SLC35F3: variants seen among roughly 807,000 people sequenced by gnomAD.
SLC35F3 encodes the protein solute carrier family 35 member F3, also known as putative thiamine transporter SLC35F3.
SLC35F3 carries 25 observed loss-of-function variants against 49.9 expected under a neutral mutation model. The ratio of observed to expected loss-of-function variants is 0.50; its 90% CI spans 0.37 to 0.70. SLC35F3 has a LOEUF of 0.70. SLC35F3 is among the 30% of genes least tolerant of loss of function. SLC35F3 has a pLI of 0.00. For synonymous variants in SLC35F3, 275 were observed against 265.4 expected (o/e 1.04, Z -0.35); for missense variants, 525 against 639.8 (o/e 0.82, Z 1.94).
chr1:234,086,307 T>C (rs1470088459), intron 2 of SLC35F3, among the ~76,000 whole-genome samples: 2 of 152,108 alleles, frequency 1.3e-5, no homozygotes, highest in African/African-American at 2.4e-5. Flanking sequence ...ACGGGAGAAA[T>C]GAGTCAGGGG....
chr1:234,097,538 A>G (rs941588960), intron 2 of SLC35F3, among the ~76,000 whole-genome samples: 4 of 152,038 alleles, frequency 2.6e-5, no homozygotes, highest in African/African-American at 9.7e-5. Flanking sequence ...CTACACACAC[A>G]TACACGCACA....
chr1:234,016,842 C>T (rs1340865562), intron 2 of SLC35F3, among the ~76,000 whole-genome samples: 2 of 152,108 alleles, frequency 1.3e-5, no homozygotes, highest in Non-Finnish European at 2.9e-5. Context: ...AAGGTTTGTG[C>T]CTTTGTTCGC....
At chr1:233,935,760 C>G (rs1662315337) in intron 2 of SLC35F3, among the ~76,000 whole-genome samples, 1 of 152,318 alleles carries the variant, frequency 6.6e-6, no homozygotes, top group East Asian at 1.9e-4. Context: ...GCAAGCTTCC[C>G]TGTGCCTGAG....
At chr1:233,913,672 G>A (rs1255697940) in intron 2 of SLC35F3, among the ~76,000 whole-genome samples, 1 of 152,200 alleles carries the variant, frequency 6.6e-6, no homozygotes, top group Non-Finnish European at 1.5e-5. Context: ...TGGCTCCTAA[G>A]TAAGCATCTA....
At chr1:234,078,784 A>T (rs1261650449) in intron 2 of SLC35F3, among the ~76,000 whole-genome samples, 1 of 152,212 alleles carries the variant, frequency 6.6e-6, no homozygotes, top group African/African-American at 2.4e-5. Context: ...AAAATTATCC[A>T]GTTCAATATC....
chr1:233,924,043 T>C (rs1009322739), intron 2 of SLC35F3, among the ~76,000 whole-genome samples: 1 of 152,236 alleles, frequency 6.6e-6, no homozygotes, highest in South Asian at 2.1e-4. Context: ...GGATTTGTTT[T>C]GCCAGTATTT....
chr1:234,217,535 CTGAGGAGGAGGCCTTCA>C (rs933766711), intron 2 of SLC35F3, among the ~76,000 whole-genome samples: 2 of 152,292 alleles, frequency 1.3e-5, no homozygotes, highest in South Asian at 4.1e-4. Flanking sequence ...GGAGGTGTTC[CTGAGGAGGAGGCCTTCA>C]TGAGGAGGAG....
At chr1:234,081,485 C>A (rs1043708434) in intron 2 of SLC35F3, among the ~76,000 whole-genome samples, 24 of 152,104 alleles carry the variant, frequency 1.6e-4, no homozygotes, top group African/African-American at 5.6e-4. Context: ...GGAGGGGCTA[C>A]GGGAGGCAGG....
chr1:234,172,695 A>G (rs1256405351), intron 2 of SLC35F3, among the ~76,000 whole-genome samples: 1 of 152,198 alleles, frequency 6.6e-6, no homozygotes, highest in Non-Finnish European at 1.5e-5. Context: ...CTCTGCTTCT[A>G]GGCTACAAAC....
At chr1:234,250,406 G>A (rs913809399) in intron 3 of SLC35F3, among the ~76,000 whole-genome samples, 10 of 152,160 alleles carry the variant, frequency 6.6e-5, no homozygotes, top group East Asian at 5.8e-4. Context: ...TGTAATCCCA[G>A]CACTTTGGGA....
intron 2 of SLC35F3, among the ~76,000 whole-genome samples, chr1:234,039,350 A>C (rs1165427103): frequency 6.6e-6 from 1 of 152,202 alleles, no homozygotes; most frequent in Non-Finnish European, 1.5e-5. Context: ...GGTTGGAAAG[A>C]TAGGCTTCTA....
At chr1:234,101,257 A>C (rs1572052350) in intron 2 of SLC35F3, among the ~76,000 whole-genome samples, 1 of 152,200 alleles carries the variant, frequency 6.6e-6, no homozygotes, top group African/African-American at 2.4e-5. Context: ...CTTTACATAC[A>C]TAAGCTCCAT....
chr1:234,058,847 CT>C (rs1664496373), intron 2 of SLC35F3, among the ~76,000 whole-genome samples: 1 of 151,876 alleles, frequency 6.6e-6, no homozygotes, highest in African/African-American at 2.4e-5. Context: ...AATAAAATCT[CT>C]TTACTCATTA....
intron 2 of SLC35F3, among the ~76,000 whole-genome samples, chr1:234,155,418 T>G (rs1361302915): frequency 6.6e-6 from 1 of 151,594 alleles, no homozygotes; most frequent in Non-Finnish European, 1.5e-5. Context: ...ATTATTATTA[T>G]TATTTTTGAG....
intron 2 of SLC35F3, among the ~76,000 whole-genome samples, chr1:234,150,528 T>G (rs186956039): frequency 2.0e-5 from 3 of 152,352 alleles, no homozygotes; most frequent in Non-Finnish European, 4.4e-5. Flanking sequence ...TTTGTTCCCT[T>G]TACTTTTCAT....
At chr1:234,242,888 C>G (rs969537941) in intron 3 of SLC35F3, among the ~76,000 whole-genome samples, 1 of 152,114 alleles carries the variant, frequency 6.6e-6, no homozygotes, top group South Asian at 2.1e-4. Context: ...ATTAGAAACA[C>G]TAGATAGCAT....
At chr1:234,103,016 C>T (rs1445176451) in intron 2 of SLC35F3, among the ~76,000 whole-genome samples, 1 of 152,140 alleles carries the variant, frequency 6.6e-6, no homozygotes, top group African/African-American at 2.4e-5. Flanking sequence ...TCTACACAGA[C>T]GTTCAAGTGC....
intron 3 of SLC35F3, among the ~76,000 whole-genome samples, chr1:234,266,432 G>A (rs763094347): frequency 6.6e-6 from 1 of 152,194 alleles, no homozygotes; most frequent in Admixed American, 6.5e-5. Context: ...AGTATCAGGC[G>A]AGGTGAGGAT....
At chr1:234,041,631 T>C (rs537508563) in intron 2 of SLC35F3, among the ~76,000 whole-genome samples, 2 of 152,278 alleles carry the variant, frequency 1.3e-5, no homozygotes, top group South Asian at 4.2e-4. Context: ...TGTTTTATAA[T>C]TGTTCTTGCA....
Sources: gnomAD v4.1 joint callset for allele counts (sites outside exome capture counted in the v4.1 genomes callset) on GRCh38, gnomAD v4.1.1 for gene constraint, MANE v1.5 for transcripts, NCBI Gene and HGNC (gene_info 2026-07-23, HGNC 2026-07-21) for gene names.